The following ADAMTS6 variants were observed in gnomAD, a reference collection of about 807,000 sequenced individuals.
ADAMTS6 encodes the protein ADAM metallopeptidase with thrombospondin type 1 motif 6, also known as A disintegrin and metalloproteinase with thrombospondin motifs 6.
ADAMTS6 carries 23 observed loss-of-function variants against 144.3 expected under a neutral mutation model. The observed-to-expected ratio is 0.16, with a 90% confidence interval of 0.11 to 0.23. The LOEUF is 0.23. Among genes scored for constraint, ADAMTS6 ranks in the 10% least tolerant of loss-of-function variants. The probability of loss-of-function intolerance (pLI) is 1.00; values close to 1 mark genes in which losing one functional copy is unlikely to be tolerated. For synonymous variants in ADAMTS6, 444 were observed against 457.5 expected (o/e 0.97, Z 0.38); for missense variants, 999 against 1,379.6 (o/e 0.72, Z 4.37).
intron 7 of ADAMTS6, among the ~76,000 whole-genome samples, chr5:65,431,237 T>G (rs569806086): frequency 1.3e-5 from 2 of 152,130 alleles, no homozygotes; most frequent in Non-Finnish European, 2.9e-5. Context: ...GGTTTCTCAA[T>G]AGCCTTTATA....
At chr5:65,373,643 G>A (rs1329412991) in intron 7 of ADAMTS6, among the ~76,000 whole-genome samples, 2 of 152,086 alleles carry the variant, frequency 1.3e-5, no homozygotes, top group East Asian at 1.9e-4. Flanking sequence ...AAGAGTCCAG[G>A]ACCAGATGGA....
chr5:65,341,503 A>T (rs1747821344), intron 7 of ADAMTS6, among the ~76,000 whole-genome samples: 1 of 151,794 alleles, frequency 6.6e-6, no homozygotes, highest in South Asian at 2.1e-4. Context: ...TCTCAGAAAT[A>T]AAAAAAAGTG....
At chr5:65,443,941 C>A (rs1284724195) in intron 7 of ADAMTS6, among the ~76,000 whole-genome samples, 1 of 152,092 alleles carries the variant, frequency 6.6e-6, no homozygotes, top group African/African-American at 2.4e-5. Context: ...GCTCTCACCA[C>A]CTTTATTATA....
chr5:65,234,182 G>A (rs1164915803), intron 15 of ADAMTS6, among the ~76,000 whole-genome samples: 1 of 151,350 alleles, frequency 6.6e-6, no homozygotes, highest in African/African-American at 2.4e-5. Flanking sequence ...AAGACTACTA[G>A]AAGAAAACAT....
chr5:65,422,583 C>G (rs1756152763), intron 7 of ADAMTS6, among the ~76,000 whole-genome samples: 1 of 152,016 alleles, frequency 6.6e-6, no homozygotes, highest in Non-Finnish European at 1.5e-5. Flanking sequence ...TATCATGCCA[C>G]TGCACTCCAG....
chr5:65,459,417 G>A (rs946562992), intron 4 of ADAMTS6, among the ~76,000 whole-genome samples: 1 of 152,032 alleles, frequency 6.6e-6, no homozygotes, highest in Non-Finnish European at 1.5e-5. Flanking sequence ...AATCTTTCCA[G>A]TTTCATCTCT....
intron 12 of ADAMTS6, among the ~76,000 whole-genome samples, chr5:65,270,412 G>A (rs961729443): frequency 6.6e-5 from 10 of 152,134 alleles, no homozygotes; most frequent in Non-Finnish European, 5.9e-5. Context: ...GGTCAATACA[G>A]TTAGTAAAAG....
chr5:65,371,097 A>T (rs1461075932), intron 7 of ADAMTS6, among the ~76,000 whole-genome samples: 1 of 152,224 alleles, frequency 6.6e-6, no homozygotes, highest in African/African-American at 2.4e-5. Context: ...CAAATAGGAC[A>T]TCCACACCAA....
intron 24 of ADAMTS6, among the ~76,000 whole-genome samples, chr5:65,167,167 T>A: frequency 6.9e-6 from 1 of 143,892 alleles, no homozygotes. Context: ...GAGAGAAGAA[T>A]CAAATAGACA....
chr5:65,363,916 A>G (rs1285186258), intron 7 of ADAMTS6, among the ~76,000 whole-genome samples: 2 of 152,232 alleles, frequency 1.3e-5, no homozygotes, highest in Admixed American at 6.5e-5. Context: ...CTTGTGCCTA[A>G]CTATAAATCA....
intron 20 of ADAMTS6, chr5:65,198,894 A>G (rs1432598258): frequency 6.6e-6 from 1 of 152,222 alleles, no homozygotes; most frequent in Admixed American, 6.5e-5. Flanking sequence ...CACATCAGGC[A>G]TAGTTGTGAT....
intron 7 of ADAMTS6, among the ~76,000 whole-genome samples, chr5:65,416,667 G>A (rs1223415490): frequency 6.6e-6 from 1 of 151,428 alleles, no homozygotes; most frequent in Non-Finnish European, 1.5e-5. Flanking sequence ...CTTGAGCCCA[G>A]GAGGCGGAGG....
chr5:65,370,988 T>A (rs2150119357), intron 7 of ADAMTS6, among the ~76,000 whole-genome samples: 1 of 152,272 alleles, frequency 6.6e-6, no homozygotes, highest in South Asian at 2.1e-4. Context: ...GCAGCCTAAC[T>A]GGGAGGCACC....
At chr5:65,426,587 T>C in intron 7 of ADAMTS6, among the ~76,000 whole-genome samples, 1 of 152,118 alleles carries the variant, frequency 6.6e-6, no homozygotes, top group East Asian at 1.9e-4. Context: ...CAAAAAAATG[T>C]ATAATTTTAA....
At chr5:65,182,184 G>A (rs112771042) in intron 22 of ADAMTS6, among the ~76,000 whole-genome samples, 1 of 151,990 alleles carries the variant, frequency 6.6e-6, no homozygotes, top group Non-Finnish European at 1.5e-5. Context: ...GGTGGCTCAC[G>A]CCTGTGAATC....
intron 7 of ADAMTS6, among the ~76,000 whole-genome samples, chr5:65,372,318 G>C (rs1186874635): frequency 6.6e-6 from 1 of 151,780 alleles, no homozygotes; most frequent in Non-Finnish European, 1.5e-5. Context: ...TGGCAAATTG[G>C]ATAAAGAGTC....
At chr5:65,192,054 T>C (rs994188142) in intron 21 of ADAMTS6, among the ~76,000 whole-genome samples, 2 of 152,076 alleles carry the variant, frequency 1.3e-5, no homozygotes, top group African/African-American at 4.8e-5. Flanking sequence ...TAGATGACTC[T>C]AATGAATTTT....
At chr5:65,221,441 G>A (rs1757317146) in intron 18 of ADAMTS6, among the ~76,000 whole-genome samples, 1 of 152,096 alleles carries the variant, frequency 6.6e-6, no homozygotes. Context: ...ACCCATTCAT[G>A]ACTAAAACTC....
intron 14 of ADAMTS6, among the ~76,000 whole-genome samples, chr5:65,257,328 T>TTGAGA (rs1760772026): frequency 6.6e-6 from 1 of 152,150 alleles, no homozygotes; most frequent in Non-Finnish European, 1.5e-5. Context: ...TCATTGAGAA[T>TTGAGA]ATTCTCACTT....
Sources: gnomAD v4.1 joint callset for allele counts (sites outside exome capture counted in the v4.1 genomes callset) on GRCh38, gnomAD v4.1.1 for gene constraint, MANE v1.5 for transcripts, NCBI Gene and HGNC (gene_info 2026-07-23, HGNC 2026-07-21) for gene names.